Variants in ACBD6 observed in about 807,000 individuals in gnomAD.
ACBD6 encodes the protein acyl-CoA binding domain containing 6, also known as acyl-CoA-binding domain-containing protein 6.
Under a neutral mutation model 37.2 loss-of-function variants are expected in ACBD6, and 28 were observed. That is an observed-to-expected ratio of 0.75 (90% confidence interval 0.56 to 1.03). ACBD6 has a LOEUF of 1.03. ACBD6 is among the 50% of genes least tolerant of loss of function. The pLI is 0.00. For missense variants in ACBD6, 340 were observed against 337.4 expected (o/e 1.01, Z -0.06); for synonymous variants, 113 against 126.8 (o/e 0.89, Z 0.73).
chr1:180,502,010 T>C, intron 1 of ACBD6, 35 bp downstream of exon 1: 1 of 1,604,320 alleles, frequency 6.2e-7, no homozygotes, highest in Non-Finnish European at 8.5e-7. Context: ...GCTCCGTGTC[T>C]TTCTCCCCCA....
intron 6 of ACBD6, among the ~76,000 whole-genome samples, chr1:180,333,866 A>T (rs1370748862): frequency 6.6e-6 from 1 of 152,236 alleles, no homozygotes; most frequent in Non-Finnish European, 1.5e-5. Flanking sequence ...CCAGGAGATT[A>T]TATCCCGTGC....
At chr1:180,450,819 G>A (rs1187226062) in intron 3 of ACBD6, among the ~76,000 whole-genome samples, 4 of 151,880 alleles carry the variant, frequency 2.6e-5, no homozygotes, top group Admixed American at 6.6e-5. Context: ...ACTGAACATC[G>A]TCTATGTGGG....
At chr1:180,414,388 C>G (rs1244027800) in intron 4 of ACBD6, among the ~76,000 whole-genome samples, 2 of 152,182 alleles carry the variant, frequency 1.3e-5, no homozygotes, top group African/African-American at 2.4e-5. Context: ...CATCAGAAAG[C>G]AAAACACCTG....
intron 3 of ACBD6, among the ~76,000 whole-genome samples, chr1:180,445,146 C>T (rs1239899360): frequency 2.0e-5 from 3 of 152,052 alleles, no homozygotes; most frequent in African/African-American, 7.2e-5. Context: ...AAACAGTATC[C>T]AGTGCAAAGT....
intron 4 of ACBD6, among the ~76,000 whole-genome samples, chr1:180,427,918 C>CAA (rs11435254): frequency 0.018 from 1,693 of 95,626 alleles, 35 homozygotes; most frequent in African/African-American, 0.045. Flanking sequence ...GACTCTGTCT[C>CAA]AAAAAAAAAA....
intron 6 of ACBD6, among the ~76,000 whole-genome samples, chr1:180,334,238 C>T (rs753968760): frequency 3.1e-4 from 47 of 152,130 alleles, no homozygotes; most frequent in South Asian, 4.1e-4. Context: ...CCCTGACCCT[C>T]GAGTAGCCTA....
intron 6 of ACBD6, among the ~76,000 whole-genome samples, chr1:180,344,969 G>A (rs1186078400): frequency 6.6e-6 from 1 of 152,128 alleles, no homozygotes; most frequent in African/African-American, 2.4e-5. Context: ...CATATCATCA[G>A]AGAGTGAATA....
At chr1:180,290,999 A>G (rs1649685926) in intron 7 of ACBD6, among the ~76,000 whole-genome samples, 1 of 152,222 alleles carries the variant, frequency 6.6e-6, no homozygotes, top group Non-Finnish European at 1.5e-5. Context: ...CCAGAAATAG[A>G]AATCATATAG....
chr1:180,449,488 T>C (rs1649612739), intron 3 of ACBD6, among the ~76,000 whole-genome samples: 1 of 151,238 alleles, frequency 6.6e-6, no homozygotes. Context: ...CAGCTCACTG[T>C]AACCTCCACC....
chr1:180,304,528 T>C lies in ACBD6; in HGVS notation c.694+10164A>G, dbSNP rs1286027567. ...ACTGCTTCAAAGAGAATAAAATACC[T>C]AGGAATCCAACTTACAAGGGATGTG... On this transcript the variant is annotated intron_variant, in intron 7 of 7. Transcript: ENST00000367595. 4.6e-5 allele frequency among the ~76,000 whole-genome samples: 7 copies of C among 150,544 alleles called. 1 individual carries two copies. Among genetic ancestry groups the C allele is most frequent in the African/African-American group, 1.7e-4 (7 of 41,264 alleles).
chr1:180,499,945 T>C (rs1651888827), intron 1 of ACBD6, among the ~76,000 whole-genome samples: 1 of 152,066 alleles, frequency 6.6e-6, no homozygotes, highest in Admixed American at 6.6e-5. Context: ...ACTCAGTACA[T>C]CCAGTTTAAG....
chr1:180,415,227 T>A (rs1298199044), intron 4 of ACBD6, among the ~76,000 whole-genome samples: 1 of 151,630 alleles, frequency 6.6e-6, no homozygotes, highest in Non-Finnish European at 1.5e-5. Context: ...TGAAACCCCG[T>A]TTCTACTAAA....
chr1:180,295,964 G>C (rs1053921443), intron 7 of ACBD6, among the ~76,000 whole-genome samples: 2 of 152,160 alleles, frequency 1.3e-5, no homozygotes, highest in Admixed American at 1.3e-4. Context: ...ATTAAGCTTA[G>C]TAATGAAGGC....
intron 6 of ACBD6, among the ~76,000 whole-genome samples, chr1:180,341,333 TTAA>T (rs1651979890): frequency 6.6e-6 from 1 of 152,094 alleles, no homozygotes. Flanking sequence ...AGAGAAAATA[TTAA>T]TAATAAAGTA....
intron 5 of ACBD6, among the ~76,000 whole-genome samples, chr1:180,410,159 T>TG (rs1647797349): frequency 6.6e-6 from 1 of 152,240 alleles, no homozygotes; most frequent in South Asian, 2.1e-4. Context: ...GTAAGGGGGC[T>TG]GCAGAAGAAA....
At chr1:180,385,752 C>T (rs900066101) in intron 6 of ACBD6, among the ~76,000 whole-genome samples, 3 of 152,110 alleles carry the variant, frequency 2.0e-5, no homozygotes, top group African/African-American at 7.2e-5. Flanking sequence ...CTGTTGGCGC[C>T]TTTATCTTTG....
chr1:180,387,368 A>G (rs1459523887), intron 6 of ACBD6, among the ~76,000 whole-genome samples: 1 of 152,152 alleles, frequency 6.6e-6, no homozygotes. Flanking sequence ...GTACTACCTT[A>G]TTATTGCTTT....
At chr1:180,328,153 T>C (rs1365351131) in intron 6 of ACBD6, among the ~76,000 whole-genome samples, 1 of 152,130 alleles carries the variant, frequency 6.6e-6, no homozygotes, top group East Asian at 1.9e-4. Flanking sequence ...GTGTAGCCCC[T>C]GGTTTTTAAC....
intron 6 of ACBD6, among the ~76,000 whole-genome samples, chr1:180,374,091 A>T (rs1334048126): frequency 6.6e-6 from 1 of 152,230 alleles, no homozygotes; most frequent in African/African-American, 2.4e-5. Flanking sequence ...AAGATATGCC[A>T]CAACATAATA....
Sources: gnomAD v4.1 joint callset for allele counts (sites outside exome capture counted in the v4.1 genomes callset) on GRCh38, gnomAD v4.1.1 for gene constraint, MANE v1.5 for transcripts, NCBI Gene and HGNC (gene_info 2026-07-23, HGNC 2026-07-21) for gene names.